The following ATP11B variants were observed in gnomAD, a reference collection of about 807,000 sequenced individuals.
The protein encoded by ATP11B is phospholipid-transporting ATPase IF.
In ATP11B, 81 loss-of-function variants were observed where a neutral mutation model predicts 157.8. That is an observed-to-expected ratio of 0.51 (90% CI 0.43 to 0.62). ATP11B has a LOEUF of 0.62. Ranked by LOEUF, ATP11B falls within the 20% of genes least tolerant of loss-of-function variation. The pLI is 0.00. For missense variants in ATP11B, 1,165 were observed against 1,402.2 expected (o/e 0.83, Z 2.70); for synonymous variants, 451 against 469.4 (o/e 0.96, Z 0.51).
chr3:182,837,665 A>T (rs769645916), intron 7 of ATP11B, among the ~76,000 whole-genome samples: 30 of 152,218 alleles, frequency 2.0e-4, no homozygotes, highest in Middle Eastern at 3.4e-3. Flanking sequence ...TTCTATAAAT[A>T]TATAACAGCT....
chr3:182,822,580 G>A (rs918804493), intron 2 of ATP11B, among the ~76,000 whole-genome samples: 24 of 152,260 alleles, frequency 1.6e-4, no homozygotes, highest in African/African-American at 4.8e-4. Flanking sequence ...GTAAATACAC[G>A]TGTGCATGTG....
At chr3:182,906,265 G>C (rs1724343222) in intron 28 of ATP11B, among the ~76,000 whole-genome samples, 1 of 152,044 alleles carries the variant, frequency 6.6e-6, no homozygotes, top group Non-Finnish European at 1.5e-5. Context: ...TGTTATCTCT[G>C]AAATCATTTT....
At chr3:182,885,045 C>T in intron 22 of ATP11B, 147 bp downstream of exon 22, 1 of 533,520 alleles carries the variant, frequency 1.9e-6, no homozygotes, top group Non-Finnish European at 3.0e-6. Context: ...TCTATACTGA[C>T]AGAAAGCAAA....
In ATP11B at chr3:182,857,872, C is replaced by G; in HGVS notation, c.852-6C>G. The G allele has an allele frequency of 6.8e-7, 1 of 1,471,706 alleles. No individual in the cohort carries two copies. Among genetic ancestry groups the G allele is most frequent in the South Asian group, 1.2e-5 (1 of 83,506 alleles). The allele number at this position is 1,471,706 out of a possible 1,614,324, so 91.2% of individuals were successfully genotyped here. A position where few individuals can be genotyped will look rare whatever the true frequency, so the allele number is the denominator to read the frequency against. On this transcript the variant is annotated splice_region_variant and splice_polypyrimidine_tract_variant and intron_variant, in intron 10 of 29. Coordinates refer to ENST00000323116, the MANE Select transcript of ATP11B (RefSeq NM_014616.3). Reference sequence around the variant, plus strand: ...TATGTTTTATATTCTCTTTTTCTTCCTTAAGGTCAATGAATACATTTTTGA... The same window carrying G: ...TATGTTTTATATTCTCTTTTTCTTCGTTAAGGTCAATGAATACATTTTTGA...
chr3:182,911,939 G>A (rs1158842757), intron 28 of ATP11B, among the ~76,000 whole-genome samples: 1 of 152,186 alleles, frequency 6.6e-6, no homozygotes, highest in Non-Finnish European at 1.5e-5. Context: ...ATTGATGGCA[G>A]GCCCCGACAC....
In ATP11B at chr3:182,793,750, C is replaced by G; in HGVS notation, c.-10C>G. On this transcript the variant is annotated 5_prime_UTR_variant, in exon 1 of 30. Transcript: ENST00000323116. ...GCGCCCCGCGGGACCCGGACGGCGA[C>G]GACGGGGGAATGTGGCGCTGGATCC... 1 of 1,410,336 alleles carries G rather than the reference C, an allele frequency of 7.1e-7. No homozygotes were observed. The highest frequency in any genetic ancestry group is 9.3e-7 in the Non-Finnish European group (1 of 1,076,608). 87.4% of individuals were successfully genotyped at this position (1,410,336 alleles called of 1,614,324 possible). A position where few individuals can be genotyped will look rare whatever the true frequency, so the allele number is the denominator to read the frequency against.
chr3:182,888,127 C>G (rs1191297193), intron 24 of ATP11B, among the ~76,000 whole-genome samples: 1 of 152,154 alleles, frequency 6.6e-6, no homozygotes, highest in Non-Finnish European at 1.5e-5. Context: ...ACCCCAGATT[C>G]TCTGCTTTAT....
At chr3:182,896,560 C>CT in intron 25 of ATP11B, 140 bp from the exon 26 acceptor site, 1 of 668,076 alleles carries the variant, frequency 1.5e-6, no homozygotes, top group South Asian at 1.9e-5. Context: ...ATACTTTTAA[C>CT]TTTATGAGTA....
intron 10 of ATP11B, among the ~76,000 whole-genome samples, chr3:182,854,971 G>A (rs1233111912): frequency 2.0e-5 from 3 of 152,072 alleles, no homozygotes; most frequent in Admixed American, 6.6e-5. Flanking sequence ...TGAAAGATTC[G>A]TACGGTAAAG....
intron 25 of ATP11B, among the ~76,000 whole-genome samples, chr3:182,892,314 A>G (rs574851518): frequency 6.6e-6 from 1 of 152,324 alleles, no homozygotes; most frequent in East Asian, 1.9e-4. Flanking sequence ...ACATCTGTCT[A>G]GGCCGCGTCT....
chr3:182,904,042 A>T (rs2108586586), intron 28 of ATP11B, among the ~76,000 whole-genome samples: 1 of 152,338 alleles, frequency 6.6e-6, no homozygotes, highest in South Asian at 2.1e-4. Context: ...TCTCTGAAAG[A>T]TCACAGTGAG....
At chr3:182,905,648 CTT>C (rs1724292550) in intron 28 of ATP11B, 1 of 380,334 alleles carries the variant, frequency 2.6e-6, no homozygotes, top group African/African-American at 2.1e-5. Flanking sequence ...CATTAGCCCT[CTT>C]TTGTGACAGT....
intron 12 of ATP11B, among the ~76,000 whole-genome samples, chr3:182,863,758 A>G (rs1721027594): frequency 1.3e-5 from 2 of 151,848 alleles, no homozygotes; most frequent in South Asian, 4.1e-4. Context: ...ATCCATCCCT[A>G]CCATCTAATC....
chr3:182,857,713 C>A (rs978618414), intron 10 of ATP11B, among the ~76,000 whole-genome samples, 165 bp from the exon 11 acceptor site: 2 of 151,926 alleles, frequency 1.3e-5, no homozygotes, highest in Non-Finnish European at 2.9e-5. Context: ...TAAATAAATT[C>A]TATTTAACGG....
At chr3:182,906,189 C>A (rs1337030384) in intron 28 of ATP11B, among the ~76,000 whole-genome samples, 1 of 152,174 alleles carries the variant, frequency 6.6e-6, no homozygotes. Flanking sequence ...ATTCTCACAA[C>A]CTATTGTCTT....
intron 3 of ATP11B, among the ~76,000 whole-genome samples, chr3:182,828,683 GT>G (rs796636598): frequency 1.7e-4 from 24 of 144,906 alleles, no homozygotes; most frequent in Middle Eastern, 3.6e-3. Context: ...TGTGGGTGAA[GT>G]TTTTTTTTTT....
intron 1 of ATP11B, among the ~76,000 whole-genome samples, chr3:182,809,503 C>T (rs1716525423): frequency 1.3e-5 from 2 of 152,194 alleles, no homozygotes; most frequent in African/African-American, 4.8e-5. Context: ...CCTGCCCTGG[C>T]TTCCCAAAGT....
chr3:182,816,496 T>C (rs1312470075), intron 1 of ATP11B, among the ~76,000 whole-genome samples: 2 of 152,248 alleles, frequency 1.3e-5, no homozygotes, highest in Non-Finnish European at 1.5e-5. Flanking sequence ...ATAGAATTGC[T>C]GATAATGCTT....
At chr3:182,820,650 C>T (rs1354323185) in intron 2 of ATP11B, among the ~76,000 whole-genome samples, 2 of 151,778 alleles carry the variant, frequency 1.3e-5, no homozygotes, top group East Asian at 3.9e-4. Context: ...ACCTGGGCAA[C>T]AGAGTGAGAC....
Sources: gnomAD v4.1 joint callset for allele counts (sites outside exome capture counted in the v4.1 genomes callset) on GRCh38, gnomAD v4.1.1 for gene constraint, MANE v1.5 for transcripts, NCBI Gene and HGNC (gene_info 2026-07-23, HGNC 2026-07-21) for gene names.